The following KCNIP4 variants were observed in gnomAD, a reference collection of about 807,000 sequenced individuals.
KCNIP4 encodes Kv channel-interacting protein 4.
KCNIP4 carries 12 observed loss-of-function variants against 34.0 expected under a neutral mutation model. The observed-to-expected ratio is 0.35, with a 90% CI of 0.23 to 0.57. KCNIP4 has a LOEUF of 0.57. Ranked by LOEUF, KCNIP4 falls within the 20% of genes least tolerant of loss-of-function variation. The pLI, the probability that KCNIP4 is intolerant of heterozygous loss-of-function variation, is 0.83. For missense variants in KCNIP4, 238 were observed against 311.7 expected, an observed-to-expected ratio of 0.76 and a Z score of 1.78; for synonymous variants, 124 against 102.2, an observed-to-expected ratio of 1.21 and a Z score of -1.29.
rs566390667 is a variant in KCNIP4, at chr4:20,734,804, TGTAA to T, written c.430-73_430-70del. The T allele has an allele frequency of 7.8e-4, 537 of 690,220 alleles. 3 individuals carry two copies. In the African/African-American group the frequency reaches 9.6e-3, roughly 12 times the overall value. 42.8% of individuals were successfully genotyped at this position (690,220 alleles called of 1,614,324 possible). ...AAACAAAAACAAAAAAAACAAATGATGTAAGTAAGGGCTACAACCCTCTGGATCT... is the reference window on the plus strand; with the variant it reads ...AAACAAAAACAAAAAAAACAAATGATGTAAGGGCTACAACCCTCTGGATCT... On this transcript the variant is annotated intron_variant, in intron 5 of 8. Transcript: ENST00000382152.
chr4:20,866,876 A>T (rs180981962), intron 2 of KCNIP4, among the ~76,000 whole-genome samples: 51 of 152,242 alleles, frequency 3.3e-4, no homozygotes, highest in Admixed American at 3.3e-3. Flanking sequence ...GTCCAGGCTG[A>T]AAGTGAAATC....
intron 1 of KCNIP4, among the ~76,000 whole-genome samples, chr4:21,674,541 A>G (rs534093503): frequency 6.6e-6 from 1 of 152,300 alleles, no homozygotes; most frequent in African/African-American, 2.4e-5. Flanking sequence ...GTTATCTTAG[A>G]AAGTCTGAGA....
At chr4:21,707,575 C>G (rs1321374055) in intron 1 of KCNIP4, among the ~76,000 whole-genome samples, 1 of 151,958 alleles carries the variant, frequency 6.6e-6, no homozygotes, top group African/African-American at 2.4e-5. Context: ...CCCCACCCAC[C>G]AAAAACTCTG....
intron 1 of KCNIP4, among the ~76,000 whole-genome samples, chr4:21,324,697 TG>T (rs1372530806): frequency 6.8e-6 from 1 of 148,032 alleles, no homozygotes; most frequent in South Asian, 2.2e-4. Flanking sequence ...CCTCCAGTTT[TG>T]TTTTGTTTTT....
At chr4:21,810,441 A>G (rs1721566149) in intron 1 of KCNIP4, among the ~76,000 whole-genome samples, 1 of 152,140 alleles carries the variant, frequency 6.6e-6, no homozygotes, top group Non-Finnish European at 1.5e-5. Flanking sequence ...CTGTAATCCC[A>G]GCACATTGGG....
intron 3 of KCNIP4, among the ~76,000 whole-genome samples, chr4:20,791,218 A>G (rs1003647413): frequency 6.6e-6 from 1 of 152,204 alleles, no homozygotes; most frequent in Non-Finnish European, 1.5e-5. Flanking sequence ...GTAAAGATAT[A>G]TTTCAAAAAC....
rs537127415 is a variant in KCNIP4, at chr4:21,393,828, C to T, written c.62-511119G>A. ...CCAATTCTATGTATAAAACATTTTA[C>T]ATTTAGGTAAACTTAAAAGACACCT... On this transcript the variant is annotated intron_variant, in intron 1 of 8. Transcript: ENST00000382152. 7.2e-5 allele frequency among the ~76,000 whole-genome samples: 11 copies of T among 152,240 alleles called. 1 individual carries two copies. The highest frequency in any genetic ancestry group is 2.4e-4 in the African/African-American group (10 of 41,532).
At chr4:21,599,556 A>G (rs1175849566) in intron 1 of KCNIP4, among the ~76,000 whole-genome samples, 2 of 152,134 alleles carry the variant, frequency 1.3e-5, no homozygotes, top group Non-Finnish European at 2.9e-5. Context: ...ATGCAAACAT[A>G]AAATTATAAA....
intron 1 of KCNIP4, among the ~76,000 whole-genome samples, chr4:21,936,785 C>A (rs1026524028): frequency 2.0e-5 from 3 of 152,054 alleles, no homozygotes; most frequent in African/African-American, 7.2e-5. Flanking sequence ...TTAGCCAGCT[C>A]TGGATTTTTA....
At chr4:21,792,723 G>A (rs1720376852) in intron 1 of KCNIP4, among the ~76,000 whole-genome samples, 1 of 152,220 alleles carries the variant, frequency 6.6e-6, no homozygotes. Flanking sequence ...CAGGGCTGCA[G>A]ACATAGATTT....
chr4:21,712,046 C>G (rs1188722686), intron 1 of KCNIP4, among the ~76,000 whole-genome samples: 2 of 152,146 alleles, frequency 1.3e-5, no homozygotes, highest in African/African-American at 4.8e-5. Flanking sequence ...TCAAAAGCCT[C>G]TCTGCCTTCC....
At chr4:21,925,913 C>A (rs1729222849) in intron 1 of KCNIP4, among the ~76,000 whole-genome samples, 1 of 152,048 alleles carries the variant, frequency 6.6e-6, no homozygotes, top group Non-Finnish European at 1.5e-5. Flanking sequence ...AGGTTGGAGC[C>A]CCATTTTTGC....
At chr4:21,933,451 C>G (rs996277641) in intron 1 of KCNIP4, among the ~76,000 whole-genome samples, 3 of 151,996 alleles carry the variant, frequency 2.0e-5, no homozygotes. Flanking sequence ...AATGTTGACC[C>G]AATTTCTAAT....
chr4:21,013,915 C>T (rs1034477805), intron 1 of KCNIP4, among the ~76,000 whole-genome samples: 2 of 152,126 alleles, frequency 1.3e-5, no homozygotes, highest in Non-Finnish European at 2.9e-5. Flanking sequence ...TTGTCAGCTT[C>T]CATAGTACTC....
chr4:21,215,569 T>C (rs954013095), intron 1 of KCNIP4, among the ~76,000 whole-genome samples: 1 of 152,188 alleles, frequency 6.6e-6, no homozygotes, highest in African/African-American at 2.4e-5. Flanking sequence ...ACTCTGTGCA[T>C]GCTGGGCACA....
In KCNIP4 at chr4:20,728,658, ATG is replaced by A. The variant is rs1167912547; in HGVS notation, c.*1422_*1423del. ...TTATTTTTTCTTTTTGAAATACAAA[ATG>A]TGCACATTGAGTTTACACAAACACG... On this transcript the variant is annotated 3_prime_UTR_variant, in exon 9 of 9. Coordinates refer to ENST00000382152, the MANE Select transcript of KCNIP4 (RefSeq NM_025221.6). 21 of 152,614 alleles carry A rather than the reference ATG, an allele frequency of 1.4e-4. No individual in the cohort carries two copies. The highest frequency in any genetic ancestry group is 5.1e-4 in the African/African-American group (21 of 41,454). The allele number at this position is 152,614 out of a possible 1,614,324, so 9.5% of individuals were successfully genotyped here.
chr4:21,212,905 C>T (rs1248407098), intron 1 of KCNIP4, among the ~76,000 whole-genome samples: 1 of 151,280 alleles, frequency 6.6e-6, no homozygotes, highest in African/African-American at 2.4e-5. Context: ...ATGTGTAAGG[C>T]ATAGATATGC....
chr4:21,592,089 G>C (rs1742266312), intron 1 of KCNIP4, among the ~76,000 whole-genome samples: 1 of 152,004 alleles, frequency 6.6e-6, no homozygotes, highest in South Asian at 2.1e-4. Context: ...CTGAATTCTG[G>C]ATGACAAAAT....
chr4:21,688,183 A>G (rs28578959), intron 1 of KCNIP4, among the ~76,000 whole-genome samples: 2,182 of 152,276 alleles, frequency 0.014, 63 homozygotes, highest in African/African-American at 0.05. Flanking sequence ...TGGTTAATTA[A>G]GTATTACCGG....
Sources: gnomAD v4.1 joint callset for allele counts (sites outside exome capture counted in the v4.1 genomes callset) on GRCh38, gnomAD v4.1.1 for gene constraint, MANE v1.5 for transcripts, NCBI Gene and HGNC (gene_info 2026-07-23, HGNC 2026-07-21) for gene names.